Variants in MYRIP observed in about 807,000 individuals in gnomAD.
The protein encoded by MYRIP is myosin VIIA and Rab interacting protein, also known as rab effector MyRIP.
A neutral mutation model predicts 98.0 loss-of-function variants in MYRIP; 49 were observed. The ratio of observed to expected loss-of-function variants is 0.50; its 90% confidence interval spans 0.40 to 0.63. MYRIP has a LOEUF of 0.63. Among genes scored for constraint, MYRIP ranks in the 30% least tolerant of loss-of-function variants. The pLI is 0.00. For missense variants in MYRIP, 1,004 were observed against 1,058.2 expected (o/e 0.95, Z 0.71); for synonymous variants, 404 against 409.5 (o/e 0.99, Z 0.16).
chr3:39,930,616 G>T (rs1299468035), intron 2 of MYRIP, among the ~76,000 whole-genome samples: 1 of 152,056 alleles, frequency 6.6e-6, no homozygotes, highest in African/African-American at 2.4e-5. Context: ...AGGTTGTAAA[G>T]ATTTACATCT....
At chr3:40,211,505 G>A (rs1396307365) in intron 11 of MYRIP, among the ~76,000 whole-genome samples, 1 of 152,162 alleles carries the variant, frequency 6.6e-6, no homozygotes, top group Non-Finnish European at 1.5e-5. Flanking sequence ...TTGTCTGTGA[G>A]TTGGAGAGTG....
intron 1 of MYRIP, among the ~76,000 whole-genome samples, chr3:39,890,868 G>C (rs888698567): frequency 3.9e-5 from 6 of 152,076 alleles, no homozygotes; most frequent in African/African-American, 1.4e-4. Flanking sequence ...AATGCTTCCT[G>C]TTTCAAACAA....
At chr3:39,819,270 C>T (rs1941029611) in intron 1 of MYRIP, among the ~76,000 whole-genome samples, 1 of 152,040 alleles carries the variant, frequency 6.6e-6, no homozygotes, top group South Asian at 2.1e-4. Context: ...ATTGCTTGAA[C>T]TCAGGAAGCA....
At chr3:39,883,734 T>C (rs1943215684) in intron 1 of MYRIP, among the ~76,000 whole-genome samples, 1 of 151,096 alleles carries the variant, frequency 6.6e-6, no homozygotes, top group African/African-American at 2.4e-5. Flanking sequence ...GAAGAGAAAA[T>C]AAATAAAAAA....
chr3:40,227,085 G>A (rs1335124027), intron 11 of MYRIP, among the ~76,000 whole-genome samples: 1 of 152,230 alleles, frequency 6.6e-6, no homozygotes, highest in Non-Finnish European at 1.5e-5. Context: ...GCTACCTGCT[G>A]TTGTCTCCTG....
chr3:40,155,057 T>C (rs1279003835), intron 4 of MYRIP, among the ~76,000 whole-genome samples: 6 of 152,018 alleles, frequency 3.9e-5, no homozygotes, highest in Non-Finnish European at 1.5e-5. Context: ...TAGTTACATA[T>C]GTATACATGT....
At chr3:39,891,388 A>C (rs960045774) in intron 1 of MYRIP, among the ~76,000 whole-genome samples, 1 of 152,014 alleles carries the variant, frequency 6.6e-6, no homozygotes, top group African/African-American at 2.4e-5. Flanking sequence ...GTATTGGTGA[A>C]AGTTGATCTA....
intron 11 of MYRIP, 128 bp from the exon 12 acceptor site, chr3:40,233,731 T>C: frequency 1.2e-6 from 1 of 835,226 alleles, no homozygotes; most frequent in Non-Finnish European, 1.9e-6. Flanking sequence ...CTTCAGCACA[T>C]TGGTGTTTGT....
chr3:39,913,364 A>G (rs1337608017), intron 2 of MYRIP, among the ~76,000 whole-genome samples: 5 of 152,184 alleles, frequency 3.3e-5, no homozygotes, highest in South Asian at 2.1e-4. Context: ...AACAAAACAC[A>G]TTAGTTTTGT....
intron 8 of MYRIP, among the ~76,000 whole-genome samples, chr3:40,171,472 T>C (rs1055720479): frequency 5.3e-5 from 8 of 152,090 alleles, no homozygotes; most frequent in African/African-American, 1.7e-4. Context: ...CACCTTGCAT[T>C]TGGGGTCTTT....
intron 3 of MYRIP, among the ~76,000 whole-genome samples, chr3:40,052,802 A>G (rs62261783): frequency 0.06 from 9,115 of 152,292 alleles, 401 homozygotes; most frequent in Middle Eastern, 0.095. Context: ...GTTAGGACAC[A>G]TTCAACGTGA....
At chr3:39,965,792 T>A (rs1407526284) in intron 2 of MYRIP, among the ~76,000 whole-genome samples, 1 of 152,118 alleles carries the variant, frequency 6.6e-6, no homozygotes. Context: ...ACACCTAGAT[T>A]AACAAATACC....
chr3:39,885,934 T>G (rs910141347), intron 1 of MYRIP, among the ~76,000 whole-genome samples: 1 of 151,980 alleles, frequency 6.6e-6, no homozygotes, highest in African/African-American at 2.4e-5. Flanking sequence ...TGTTTGCCTT[T>G]GGTTTGAATG....
At chr3:40,142,540 G>A (rs568797650) in intron 3 of MYRIP, among the ~76,000 whole-genome samples, 68 of 152,012 alleles carry the variant, frequency 4.5e-4, no homozygotes, top group Non-Finnish European at 8.8e-4. Flanking sequence ...TTGGCACCTC[G>A]CAACCTCTGC....
intron 3 of MYRIP, among the ~76,000 whole-genome samples, chr3:40,145,688 T>C (rs1474229526): frequency 6.6e-6 from 1 of 152,212 alleles, no homozygotes; most frequent in Non-Finnish European, 1.5e-5. Flanking sequence ...ACGTCTAGGA[T>C]CCACAACTGT....
chr3:39,998,634 C>T (rs1016984110), intron 2 of MYRIP, among the ~76,000 whole-genome samples: 10 of 152,060 alleles, frequency 6.6e-5, no homozygotes, highest in Non-Finnish European at 1.2e-4. Flanking sequence ...ATGCCATCCC[C>T]ATCAAGCTAC....
rs1945099079 is a variant in MYRIP, at chr3:39,954,223, C to T, written c.110+53297C>T. Among the ~76,000 whole-genome samples, 3 of 152,086 alleles carry T rather than the reference C, an allele frequency of 2.0e-5. No homozygotes were observed. The South Asian group carries it at 6.2e-4, about 32-fold the overall frequency. ...GATAGACTGCCTCCTCAAGTGGGTC[C>T]CTGACACCCAAGTAGCTTAACTGGG... On this transcript the variant is annotated intron_variant, in intron 2 of 16. Coordinates refer to ENST00000302541, the MANE Select transcript of MYRIP (RefSeq NM_015460.4).
Position 40,209,854 on chromosome 3 carries a change from G to A in MYRIP, c.1666G>A (p.Val556Met). The stretch of plus-strand genomic sequence containing the variant: ...TCTCATGATTCTGGCTTTCATTTAG[G>A]TGTCGGATGATTTATCAGAGACAGA... The part of the protein sequence containing the change: ...AQLRDLDTHQ[V>M]SDDLSETDIS... The change falls in exon 11 of 17, where the codon GTG (valine) becomes ATG (methionine). Residue 556 changes from valine (V) to methionine (M), a missense_variant and splice_region_variant. By Grantham distance (21) the Val-to-Met change is conservative. This residue lies in a region of MYRIP where 880 missense variants were observed against 907.7 expected (regional missense o/e 0.97). Transcript: ENST00000302541. 2 of 1,613,888 alleles carry A rather than the reference G, an allele frequency of 1.2e-6. No homozygotes were observed. The highest frequency in any genetic ancestry group is 1.1e-5 in the South Asian group (1 of 91,068).
Position 40,258,283 on chromosome 3 carries a change from C to A in MYRIP, c.*117C>A, listed in dbSNP as rs1307338115. ...CACCTGAGGAGAAGGCCTGGGGAGG[C>A]CACAGTGCACCATTGCACAGGGCTG... On this transcript the variant is annotated 3_prime_UTR_variant, in exon 17 of 17. Coordinates refer to ENST00000302541, the MANE Select transcript of MYRIP (RefSeq NM_015460.4). The A allele has an allele frequency of 2.5e-6, 3 of 1,184,676 alleles. No homozygotes were observed. Among genetic ancestry groups the A allele is most frequent in the Non-Finnish European group, 2.5e-6 (2 of 797,672 alleles). 73.4% of individuals were successfully genotyped at this position (1,184,676 alleles called of 1,614,324 possible).
Sources: gnomAD v4.1 joint callset for allele counts (sites outside exome capture counted in the v4.1 genomes callset) on GRCh38, gnomAD v4.1.1 for gene constraint, gnomAD v4.1.1 regional missense constraint, MANE v1.5 for transcripts, NCBI Gene and HGNC (gene_info 2026-07-23, HGNC 2026-07-21) for gene names.